The following MAML2 variants were observed in gnomAD, a reference collection of about 807,000 sequenced individuals.
MAML2 encodes mastermind like transcriptional coactivator 2.
Under a neutral mutation model 96.1 loss-of-function variants are expected in MAML2, and 22 were observed. That is an observed-to-expected ratio of 0.23 (90% CI 0.16 to 0.33). The LOEUF (loss-of-function observed/expected upper bound fraction) is 0.33. Ranked by LOEUF, MAML2 falls within the 10% of genes least tolerant of loss-of-function variation. The pLI is 1.00. For synonymous variants in MAML2, 561 were observed against 521.3 expected (o/e 1.08, Z -1.04); for missense variants, 1,367 against 1,392.4 (o/e 0.98, Z 0.29).
intron 1 of MAML2, among the ~76,000 whole-genome samples, chr11:96,124,064 A>G (rs985866525): frequency 7.2e-5 from 10 of 138,682 alleles, no homozygotes; most frequent in Non-Finnish European, 1.4e-4. Context: ...GCAACGAGCA[A>G]CCAGCAACGA....
intron 1 of MAML2, among the ~76,000 whole-genome samples, chr11:96,218,113 G>C (rs780428182): frequency 6.6e-6 from 1 of 152,122 alleles, no homozygotes; most frequent in African/African-American, 2.4e-5. Flanking sequence ...TTTCTGCGTC[G>C]AGGTACTTGT....
rs1237762911 is a variant in MAML2, at chr11:95,977,077, T to C, written c.*1871A>G. ...TAAATTTGTCTAACAAGCCTCTTGA[T>C]AGTTTTCAAAAGTTCCCACTCAACC... On this transcript the variant is annotated 3_prime_UTR_variant, in exon 5 of 5. Transcript: ENST00000524717. The C allele has an allele frequency of 1.5e-5, 3 of 200,692 alleles. No homozygotes were observed. The highest frequency in any genetic ancestry group is 6.9e-5 in the African/African-American group (3 of 43,514). 12.4% of individuals were successfully genotyped at this position (200,692 alleles called of 1,614,324 possible).
At chr11:96,146,593 T>C (rs1403358069) in intron 1 of MAML2, among the ~76,000 whole-genome samples, 3 of 152,324 alleles carry the variant, frequency 2.0e-5, no homozygotes, top group African/African-American at 7.2e-5. Context: ...TAGTTTACTT[T>C]GAGGATTAGA....
intron 1 of MAML2, among the ~76,000 whole-genome samples, chr11:96,155,528 A>ATATATATATATATATATATATATATC (rs1860997713): frequency 1.5e-5 from 1 of 66,914 alleles, no homozygotes; most frequent in Admixed American, 1.7e-4. Flanking sequence ...ATATATATAT[A>ATATATATATATATATATATATATATC]TATATATATA....
intron 1 of MAML2, among the ~76,000 whole-genome samples, chr11:96,155,920 A>G (rs1861004941): frequency 6.6e-6 from 1 of 152,190 alleles, no homozygotes; most frequent in African/African-American, 2.4e-5. Context: ...AAGAGGAAAC[A>G]TAAAAGAAAA....
At chr11:96,335,786 G>A (rs753665506) in intron 1 of MAML2, among the ~76,000 whole-genome samples, 50 of 152,114 alleles carry the variant, frequency 3.3e-4, no homozygotes, top group Non-Finnish European at 5.6e-4. Flanking sequence ...TCCAGGATGT[G>A]GATCAATCTC....
chr11:96,059,130 G>A (rs999580454), intron 2 of MAML2, among the ~76,000 whole-genome samples: 1 of 152,134 alleles, frequency 6.6e-6, no homozygotes, highest in African/African-American at 2.4e-5. Context: ...GAGGCACAGA[G>A]AGTTTAGGCA....
chr11:96,060,822 C>T (rs1429226656), intron 2 of MAML2, among the ~76,000 whole-genome samples: 6 of 152,148 alleles, frequency 3.9e-5, no homozygotes, highest in Non-Finnish European at 8.8e-5. Flanking sequence ...TCTAAGAGTT[C>T]TTCCTTTTAA....
At chr11:96,006,870 TATACAC>T (rs780827601) in intron 2 of MAML2, among the ~76,000 whole-genome samples, 3,897 of 109,860 alleles carry the variant, frequency 0.035, 110 homozygotes, top group East Asian at 0.12. Context: ...AGGAATATCT[TATACAC>T]ACACACACAC....
intron 1 of MAML2, among the ~76,000 whole-genome samples, chr11:96,215,720 A>T (rs1022231470): frequency 5.3e-5 from 8 of 151,762 alleles, no homozygotes; most frequent in Non-Finnish European, 1.2e-4. Flanking sequence ...GCAGCTGGGC[A>T]GAGCCCAGCT....
At chr11:96,171,932 C>A (rs944860728) in intron 1 of MAML2, among the ~76,000 whole-genome samples, 3 of 152,352 alleles carry the variant, frequency 2.0e-5, no homozygotes, top group African/African-American at 4.8e-5. Context: ...ACCCCTAAAT[C>A]TGACAACTTT....
At chr11:95,988,486 A>AG (rs74466216) in intron 3 of MAML2, among the ~76,000 whole-genome samples, 148,378 of 148,596 alleles carry the variant, frequency 1, 74,080 homozygotes, top group Middle Eastern at 1. Flanking sequence ...TCTCCACCAG[A>AG]GGCTAAACTG....
At chr11:96,185,496 A>T (rs1462865966) in intron 1 of MAML2, among the ~76,000 whole-genome samples, 1 of 152,194 alleles carries the variant, frequency 6.6e-6, no homozygotes, top group Non-Finnish European at 1.5e-5. Flanking sequence ...AACTGCTCTC[A>T]AGGAAATTAC....
intron 1 of MAML2, among the ~76,000 whole-genome samples, chr11:96,152,918 C>T (rs1018844964): frequency 6.6e-6 from 1 of 152,188 alleles, no homozygotes; most frequent in Non-Finnish European, 1.5e-5. Flanking sequence ...GGAAATGCTC[C>T]ATCTATCTCT....
In MAML2 at chr11:96,088,728, A is replaced by C. The variant is rs113336340; in HGVS notation, c.2139+3164T>G. Among the ~76,000 whole-genome samples the C allele has an allele frequency of 9.8e-3, 1,494 of 152,296 alleles. 23 individuals are homozygous for C. The highest frequency in any genetic ancestry group is 0.036 in the South Asian group (174 of 4,826). On this transcript the variant is annotated intron_variant, in intron 2 of 4. Transcript: ENST00000524717. ...CCCAAACATGGAGCAATAAGGATTTATTAAACAATTTTATTATGCTGCATC... is the reference window on the plus strand; with the variant it reads ...CCCAAACATGGAGCAATAAGGATTTCTTAAACAATTTTATTATGCTGCATC...
intron 1 of MAML2, among the ~76,000 whole-genome samples, chr11:96,326,111 A>C (rs1176679494): frequency 1.1e-5 from 1 of 90,846 alleles, no homozygotes; most frequent in Non-Finnish European, 2.0e-5. Context: ...CCCCATTAAA[A>C]TGTAAACTCC....
At chr11:96,208,638 G>C (rs1861926413) in intron 1 of MAML2, among the ~76,000 whole-genome samples, 1 of 151,996 alleles carries the variant, frequency 6.6e-6, no homozygotes, top group Non-Finnish European at 1.5e-5. Context: ...TATTAATTCT[G>C]GTAATATGAC....
intron 1 of MAML2, among the ~76,000 whole-genome samples, chr11:96,204,492 A>G (rs1399674824): frequency 6.6e-6 from 1 of 152,206 alleles, no homozygotes; most frequent in African/African-American, 2.4e-5. Flanking sequence ...GGAAAGGGAC[A>G]TTACTAGGGA....
chr11:96,062,392 G>A (rs763831927), intron 2 of MAML2, among the ~76,000 whole-genome samples: 9 of 152,206 alleles, frequency 5.9e-5, no homozygotes, highest in Non-Finnish European at 8.8e-5. Context: ...TGGAGGGGGT[G>A]TATAGGAAGT....
Sources: allele counts gnomAD v4.1 joint callset (sites outside exome capture counted in the v4.1 genomes callset), GRCh38; gene constraint gnomAD v4.1.1; transcripts MANE v1.5; gene names NCBI Gene and HGNC (gene_info 2026-07-23, HGNC 2026-07-21).